HSF2BP: variants seen among roughly 807,000 people sequenced by gnomAD.
The protein encoded by HSF2BP is heat shock transcription factor 2 binding protein.
HSF2BP carries 35 observed loss-of-function variants against 35.0 expected under a neutral mutation model. The observed-to-expected ratio is 1.00, with a 90% CI of 0.76 to 1.32. The LOEUF (loss-of-function observed/expected upper bound fraction) is 1.32. HSF2BP is among the 40% of genes most tolerant of loss of function. The probability of loss-of-function intolerance (pLI) is 0.00; values close to 1 mark genes in which losing one functional copy is unlikely to be tolerated. For synonymous variants in HSF2BP, 114 were observed against 117.4 expected (o/e 0.97, Z 0.18); for missense variants, 326 against 321.7 (o/e 1.01, Z -0.10).
chr21:43,574,555 C>T (rs1045682554), intron 8 of HSF2BP, among the ~76,000 whole-genome samples: 2 of 152,142 alleles, frequency 1.3e-5, no homozygotes, highest in African/African-American at 4.8e-5. Flanking sequence ...GACAGGGTTT[C>T]ACCATGTTAG....
At chr21:43,647,927 T>G (rs1463112192) in intron 3 of HSF2BP, among the ~76,000 whole-genome samples, 2 of 115,642 alleles carry the variant, frequency 1.7e-5, no homozygotes, top group African/African-American at 6.2e-5. Flanking sequence ...AGACTTCATC[T>G]CAAAAAAAAA....
At chr21:43,647,933 A>C (rs1248271444) in intron 3 of HSF2BP, among the ~76,000 whole-genome samples, 1 of 151,826 alleles carries the variant, frequency 6.6e-6, no homozygotes, top group Non-Finnish European at 1.5e-5. Context: ...CATCTCAAAA[A>C]AAAAAAAAAA....
intron 7 of HSF2BP, among the ~76,000 whole-genome samples, chr21:43,607,518 G>T (rs2082150016): frequency 6.6e-6 from 1 of 152,068 alleles, no homozygotes; most frequent in Non-Finnish European, 1.5e-5. Flanking sequence ...TGTCCAAACT[G>T]CCCAAAGCAA....
chr21:43,629,663 T>C (rs967991078), intron 6 of HSF2BP, among the ~76,000 whole-genome samples: 64 of 151,960 alleles, frequency 4.2e-4, no homozygotes, highest in African/African-American at 1.5e-3. Context: ...TTCAGTGGAG[T>C]AAGTAACTAC....
the HSF2BP span, among the ~76,000 whole-genome samples, chr21:43,467,785 AC>A: frequency 4.3e-5 from 2 of 46,684 alleles, no homozygotes; most frequent in African/African-American, 1.8e-4. Context: ...CACACCACAA[AC>A]CACACACCAC....
chr21:43,641,437 T>A (rs2082635687), intron 4 of HSF2BP, among the ~76,000 whole-genome samples: 1 of 152,132 alleles, frequency 6.6e-6, no homozygotes, highest in Non-Finnish European at 1.5e-5. Context: ...GTGCACCTCC[T>A]CCACTGACCC....
At chr21:43,657,768 G>A (rs2082895129) in intron 2 of HSF2BP, 4 of 896,472 alleles carry the variant, frequency 4.5e-6, no homozygotes, top group Non-Finnish European at 5.3e-6. Context: ...ACGGAGCAGA[G>A]AAGAGAGTGA....
At chr21:43,644,250 C>G in intron 4 of HSF2BP, 39 bp downstream of exon 4, 1 of 1,502,896 alleles carries the variant, frequency 6.7e-7, no homozygotes. Flanking sequence ...GCCAGCCCCA[C>G]TTTCTGGCTT....
chr21:43,646,901 T>A (rs2082716219), intron 3 of HSF2BP, among the ~76,000 whole-genome samples: 1 of 152,198 alleles, frequency 6.6e-6, no homozygotes, highest in Non-Finnish European at 1.5e-5. Context: ...CATTTTCAAC[T>A]TGGCCCCACT....
intron 8 of HSF2BP, among the ~76,000 whole-genome samples, chr21:43,575,453 G>A (rs906542936): frequency 6.6e-6 from 1 of 152,242 alleles, no homozygotes; most frequent in Non-Finnish European, 1.5e-5. Context: ...GTGGGGAGCT[G>A]ATACCTAACA....
At chr21:43,584,260 C>T (rs112490325) in intron 8 of HSF2BP, among the ~76,000 whole-genome samples, 6 of 152,258 alleles carry the variant, frequency 3.9e-5, no homozygotes, top group Admixed American at 6.5e-5. Flanking sequence ...GTCCCAATAT[C>T]TGCAGTCCAT....
the HSF2BP span, among the ~76,000 whole-genome samples, chr21:43,468,131 A>G: frequency 7.1e-6 from 1 of 140,590 alleles, no homozygotes; most frequent in African/African-American, 2.8e-5. Context: ...CAAACCACAC[A>G]CACCACACAC....
At chr21:43,600,889 T>C (rs947613820) in intron 7 of HSF2BP, among the ~76,000 whole-genome samples, 1 of 152,218 alleles carries the variant, frequency 6.6e-6, no homozygotes, top group South Asian at 2.1e-4. Context: ...AGGTATGGAA[T>C]CTTTTTTCTT....
chr21:43,605,348 C>G (rs1281582723), intron 7 of HSF2BP, among the ~76,000 whole-genome samples: 1 of 149,094 alleles, frequency 6.7e-6, no homozygotes, highest in Non-Finnish European at 1.5e-5. Flanking sequence ...CTGAAAGAGC[C>G]CACAAACACA....
At chr21:43,650,887 T>TA (rs1159778949) in intron 3 of HSF2BP, among the ~76,000 whole-genome samples, 1 of 152,006 alleles carries the variant, frequency 6.6e-6, no homozygotes, top group African/African-American at 2.4e-5. Flanking sequence ...TTTGTATTTT[T>TA]AGTAGAGATG....
intron 7 of HSF2BP, among the ~76,000 whole-genome samples, chr21:43,609,197 C>A (rs1029916710): frequency 1.3e-5 from 2 of 152,182 alleles, no homozygotes; most frequent in Non-Finnish European, 2.9e-5. Flanking sequence ...CCAAATATTG[C>A]ATGTTCTCAT....
the HSF2BP span, among the ~76,000 whole-genome samples, chr21:43,496,066 C>T: frequency 7.4e-6 from 1 of 135,282 alleles, no homozygotes; most frequent in Admixed American, 7.3e-5. Flanking sequence ...CCCTGCCACA[C>T]ACTATCACTC....
At chr21:43,582,530 G>A (rs1849536961) in intron 8 of HSF2BP, among the ~76,000 whole-genome samples, 3 of 114,758 alleles carry the variant, frequency 2.6e-5, no homozygotes, top group South Asian at 7.8e-4. Flanking sequence ...AGGGCCTGCT[G>A]AGGGAGATGA....
rs1036126584 is a variant in HSF2BP at position 43,619,854 on chromosome 21, C to T, written c.575-5907G>A. On this transcript the variant is annotated intron_variant, in intron 6 of 8. Transcript: ENST00000291560. ...GGCCAGAGAAGACACCAAATCAGAG[C>T]GGCTGTTCAGCAGATGCACACAGTA... 2.6e-5 allele frequency among the ~76,000 whole-genome samples: 4 copies of T among 152,208 alleles called. 1 individual carries two copies. Among genetic ancestry groups the T allele is most frequent in the Non-Finnish European group, 4.4e-5 (3 of 68,040 alleles).
Sources: gnomAD v4.1 joint callset for allele counts (sites outside exome capture counted in the v4.1 genomes callset) on GRCh38, gnomAD v4.1.1 for gene constraint, MANE v1.5 for transcripts, NCBI Gene and HGNC (gene_info 2026-07-23, HGNC 2026-07-21) for gene names.